Variants in CMC2 observed in about 807,000 individuals in gnomAD.
CMC2 encodes the protein COX assembly mitochondrial protein 2 homolog.
In CMC2, 5 loss-of-function variants were observed where a neutral mutation model predicts 7.5. The observed-to-expected ratio is 0.66, with a 90% confidence interval of 0.35 to 1.40. The LOEUF is 1.40. Ranked by LOEUF, CMC2 falls within the 40% of genes most tolerant of loss-of-function variation. The pLI is 0.04. For missense variants in CMC2, 115 were observed against 92.3 expected (o/e 1.25, Z -1.01); for synonymous variants, 37 against 31.4 (o/e 1.18, Z -0.60).
At chr16:81,002,129 C>T (rs930704081) in intron 1 of CMC2, among the ~76,000 whole-genome samples, 11 of 152,148 alleles carry the variant, frequency 7.2e-5, no homozygotes, top group African/African-American at 2.7e-4. Flanking sequence ...CTAAAGAAAA[C>T]ATACACTGGT....
Position 80,975,393 on chromosome 16 carries a change from C to G in CMC2, c.*700G>C, listed in dbSNP as rs796202894. ...CTTTGGGAGGCTGAAGTGGGCGGAT[C>G]ACCTAAGCTCAGGAATTTGAGATCA... On this transcript the variant is annotated 3_prime_UTR_variant, in exon 4 of 4. Transcript: ENST00000219400. The G allele has an allele frequency of 6.6e-6, 1 of 152,320 alleles. No homozygotes were observed. The highest frequency in any genetic ancestry group is 2.1e-4 in the South Asian group (1 of 4,834). 9.4% of individuals were successfully genotyped at this position (152,320 alleles called of 1,614,324 possible).
chr16:81,002,070 C>T (rs989633611), intron 1 of CMC2, among the ~76,000 whole-genome samples: 10 of 152,172 alleles, frequency 6.6e-5, no homozygotes, highest in African/African-American at 2.4e-4. Flanking sequence ...ATATTCTGCA[C>T]CTACATTTAT....
At chr16:81,000,239 T>A (rs1213394350) in intron 1 of CMC2, among the ~76,000 whole-genome samples, 1 of 151,970 alleles carries the variant, frequency 6.6e-6, no homozygotes, top group Non-Finnish European at 1.5e-5. Context: ...AGCTCACACC[T>A]GTAATCCCAG....
rs1183652012 is a variant in CMC2, at chr16:80,968,978, G to C, written c.*7115C>G. 1 of 152,152 alleles carries C rather than the reference G, an allele frequency of 6.6e-6. No individual in the cohort carries two copies. Among genetic ancestry groups the C allele is most frequent in the Non-Finnish European group, 1.5e-5 (1 of 68,018 alleles). The allele number at this position is 152,152 out of a possible 1,614,324, so 9.4% of individuals were successfully genotyped here. ...TAATCCTCTAAGAAAACATTAACTA[G>C]AAAACATAACACTTGCCAGCATAGG... On this transcript the variant is annotated 3_prime_UTR_variant, in exon 4 of 4. Transcript: ENST00000219400.
At chr16:80,980,919 A>G (rs974726922) in intron 3 of CMC2, 7 of 684,396 alleles carry the variant, frequency 1.0e-5, no homozygotes, top group Non-Finnish European at 1.9e-5. Flanking sequence ...ACAAACTATT[A>G]CTCTTCACTG....
intron 1 of CMC2, chr16:80,997,760 C>G (rs1968541438): frequency 6.1e-6 from 1 of 162,746 alleles, no homozygotes; most frequent in African/African-American, 2.4e-5. Context: ...GCCACATTCT[C>G]GAAATTAACA....
In CMC2 at chr16:80,968,418, TG is replaced by T. The variant is rs1911700490; in HGVS notation, c.*7674del. ...CTTTCCCGGGTTACGCTAAAGCTGC[TG>T]GCCCACGGACCACAGTCTAATGGCC... On this transcript the variant is annotated 3_prime_UTR_variant, in exon 4 of 4. Transcript: ENST00000219400. 2.0e-5 allele frequency: 3 copies of T among 152,236 alleles called. No individual in the cohort carries two copies. Among genetic ancestry groups the T allele is most frequent in the Non-Finnish European group, 4.4e-5 (3 of 68,086 alleles). 9.4% of individuals were successfully genotyped at this position (152,236 alleles called of 1,614,324 possible).
At chr16:80,993,001 C>T (rs1259889101) in intron 2 of CMC2, among the ~76,000 whole-genome samples, 4 of 152,164 alleles carry the variant, frequency 2.6e-5, no homozygotes, top group Non-Finnish European at 5.9e-5. Context: ...TTTCCCCACA[C>T]CTAGGTTATA....
Position 80,981,894 on chromosome 16 carries a change from G to A in CMC2, c.82-17C>T, listed in dbSNP as rs1359245319. ...AATGTTGTGCTAAAAGGAAGAAAAG[G>A]AGTAAAATATTTCATCCCATAATAT... On this transcript the variant is annotated splice_polypyrimidine_tract_variant and intron_variant, in intron 2 of 3. Coordinates refer to ENST00000219400, the MANE Select transcript of CMC2 (RefSeq NM_020188.5). The A allele has an allele frequency of 6.4e-7, 1 of 1,559,250 alleles. No homozygotes were observed. The highest frequency in any genetic ancestry group is 1.4e-5 in the African/African-American group (1 of 73,870).
In CMC2 at chr16:80,973,303, C is replaced by G. The variant is rs368386751; in HGVS notation, c.*2790G>C. 2 of 152,330 alleles carry G rather than the reference C, an allele frequency of 1.3e-5. No individual in the cohort carries two copies. The highest frequency in any genetic ancestry group is 2.1e-4 in the South Asian group (1 of 4,824). 9.4% of individuals were successfully genotyped at this position (152,330 alleles called of 1,614,324 possible). On this transcript the variant is annotated 3_prime_UTR_variant, in exon 4 of 4. Transcript: ENST00000219400. The stretch of plus-strand genomic sequence containing the variant: ...CTGCCCCATCAGCTGGGGCCCCACT[C>G]AAACGGTATCAGCCCTAGTGATTTG...
Position 80,981,832 on chromosome 16 carries a change from C to A in CMC2, c.127G>T (p.Glu43Ter). ...FFGYCNDVDR[E>*]LRKCLKNEYV... ...TCATTCTTCAGGCATTTTCTCAACT[C>A]CCGATCAACATCATTACAATAACCA... Residue 43 changes from glutamate to a stop codon, truncating the protein, a stop_gained, in exon 3 of 4, where the codon GAG (glutamate) becomes TAG (stop). Transcript: ENST00000219400. LOFTEE classifies it high-confidence loss of function. The A allele has an allele frequency of 6.2e-7, 1 of 1,610,716 alleles. No individual in the cohort carries two copies. Among genetic ancestry groups the A allele is most frequent in the Non-Finnish European group, 8.5e-7 (1 of 1,177,956 alleles).
At chr16:80,990,997 G>C (rs1362277688) in intron 2 of CMC2, among the ~76,000 whole-genome samples, 1 of 150,140 alleles carries the variant, frequency 6.7e-6, no homozygotes, top group Non-Finnish European at 1.5e-5. Context: ...AAAGTGCTGG[G>C]ATTACAGGAC....
chr16:80,990,283 G>A (rs551683424), intron 2 of CMC2, among the ~76,000 whole-genome samples: 29 of 152,128 alleles, frequency 1.9e-4, no homozygotes, highest in African/African-American at 6.8e-4. Context: ...TGATTCTCCT[G>A]CCTCAGCCTC....
Position 80,988,665 on chromosome 16 carries a change from C to G in CMC2, c.82-6788G>C, listed in dbSNP as rs1384204328. On this transcript the variant is annotated intron_variant, in intron 2 of 3. Transcript: ENST00000219400. Reference sequence around the variant, plus strand: ...CAAAATTAGGAAATTAACATTAACACTAGTATCTAATTTATAGACCTTATT... The same window carrying G: ...CAAAATTAGGAAATTAACATTAACAGTAGTATCTAATTTATAGACCTTATT... 3 of 690,900 alleles carry G rather than the reference C, an allele frequency of 4.3e-6. No individual in the cohort carries two copies. In the African/African-American group the frequency reaches 5.3e-5, roughly 12 times the overall value. The allele number at this position is 690,900 out of a possible 1,614,324, so 42.8% of individuals were successfully genotyped here. A position where few individuals can be genotyped will look rare whatever the true frequency, so the allele number is the denominator to read the frequency against.
At chr16:80,995,753 T>C (rs749773894) in intron 2 of CMC2, among the ~76,000 whole-genome samples, 3 of 152,166 alleles carry the variant, frequency 2.0e-5, no homozygotes, top group Non-Finnish European at 4.4e-5. Context: ...AGTGGTTACC[T>C]GGGCAAGACG....
At chr16:80,978,623 C>G (rs1274890806) in intron 3 of CMC2, among the ~76,000 whole-genome samples, 1 of 151,614 alleles carries the variant, frequency 6.6e-6, no homozygotes, top group Non-Finnish European at 1.5e-5. Context: ...TAATCCAAAA[C>G]TTTGGGAGGC....
intron 1 of CMC2, chr16:80,998,290 T>G (rs755269806): frequency 2.0e-5 from 3 of 152,028 alleles, no homozygotes; most frequent in Non-Finnish European, 4.4e-5. Flanking sequence ...ATTACCTGCT[T>G]TAATTTTTTT....
At chr16:81,004,369 C>T (rs1361626122) in intron 1 of CMC2, among the ~76,000 whole-genome samples, 5 of 152,180 alleles carry the variant, frequency 3.3e-5, no homozygotes, top group African/African-American at 1.2e-4. Flanking sequence ...TATTTAATTC[C>T]AGTGCAGACC....
intron 2 of CMC2, among the ~76,000 whole-genome samples, chr16:80,989,961 G>C (rs955679226): frequency 1.3e-5 from 2 of 152,156 alleles, no homozygotes; most frequent in Admixed American, 6.6e-5. Flanking sequence ...TTTGTCTTTA[G>C]CCTACGTTCA....
Sources: allele counts gnomAD v4.1 joint callset (sites outside exome capture counted in the v4.1 genomes callset), GRCh38; gene constraint gnomAD v4.1.1; transcripts MANE v1.5; gene names NCBI Gene and HGNC (gene_info 2026-07-23, HGNC 2026-07-21).